USP6NL: variants seen among roughly 807,000 people sequenced by gnomAD.
USP6NL encodes USP6 N-terminal-like protein.
A neutral mutation model predicts 61.9 loss-of-function variants in USP6NL; 26 were observed. That is an observed-to-expected ratio of 0.42 (90% CI 0.31 to 0.58). USP6NL has a LOEUF of 0.58. USP6NL is among the 20% of genes least tolerant of loss of function. USP6NL has a pLI of 0.16. For synonymous variants in USP6NL, 432 were observed against 390.1 expected (o/e 1.11, Z -1.27); for missense variants, 1,114 against 1,034.3 (o/e 1.08, Z -1.06).
Position 11,487,094 on chromosome 10 carries a change from T to C in USP6NL, c.665-1183A>G, listed in dbSNP as rs1472528129. Among the ~76,000 whole-genome samples the C allele has an allele frequency of 6.6e-6, 1 of 152,058 alleles. No homozygotes were observed. The highest frequency in any genetic ancestry group is 1.9e-4 in the East Asian group (1 of 5,200). On this transcript the variant is annotated intron_variant, in intron 10 of 14. Transcript: ENST00000609104. The surrounding 1 kb of genome is among the most constrained non-coding windows in gnomAD (Gnocchi z 4.2). ...TATCAGTGCCACTTTCATAGTCAAT[T>C]TGATAGGAATGGAAGTTGAAAAATT... is the stretch of plus-strand genomic sequence containing the variant.
rs1380569965 is a variant in USP6NL, at chr10:11,495,781, T to G, written c.385-2553A>C. ...CTTACAAGCTGCTTTCTTCATTTGC[T>G]TCCACTTGTCTTTCACGTTAGCTCC... On this transcript the variant is annotated intron_variant, in intron 7 of 14. Transcript: ENST00000609104. The surrounding 1 kb of genome is among the most constrained non-coding windows in gnomAD (Gnocchi z 4.6). Among the ~76,000 whole-genome samples the G allele has an allele frequency of 6.6e-6, 1 of 152,234 alleles. No individual in the cohort carries two copies. The highest frequency in any genetic ancestry group is 1.9e-4 in the East Asian group (1 of 5,200).
intron 14 of USP6NL, among the ~76,000 whole-genome samples, chr10:11,471,948 A>G (rs958391549): frequency 6.6e-5 from 10 of 150,484 alleles, no homozygotes; most frequent in African/African-American, 2.0e-4. Context: ...CACATTGTGC[A>G]CATGTACCCT....
intron 2 of USP6NL, among the ~76,000 whole-genome samples, chr10:11,544,143 A>C (rs4747917): frequency 0.57 from 85,826 of 151,742 alleles, 24,727 homozygotes; most frequent in East Asian, 0.88. Flanking sequence ...TAGCCCAACC[A>C]AATGTTCCAC....
intron 2 of USP6NL, among the ~76,000 whole-genome samples, chr10:11,581,485 T>C (rs1221654617): frequency 1.3e-5 from 2 of 152,264 alleles, no homozygotes; most frequent in Non-Finnish European, 1.5e-5. Flanking sequence ...TAACCCACTT[T>C]TCAGAAAACT....
chr10:11,563,514 T>C (rs1377854488), intron 2 of USP6NL: 1 of 152,138 alleles, frequency 6.6e-6, no homozygotes, highest in Non-Finnish European at 1.5e-5. Flanking sequence ...ATCAATATCC[T>C]GGTTTGATAT....
chr10:11,487,656 T>A lies in USP6NL; in HGVS notation c.664+1446A>T, dbSNP rs1833527189. 6.6e-6 allele frequency among the ~76,000 whole-genome samples: 1 copy of A among 152,126 alleles called. No individual in the cohort carries two copies. Among genetic ancestry groups the A allele is most frequent in the Non-Finnish European group, 1.5e-5 (1 of 68,018 alleles). On this transcript the variant is annotated intron_variant, in intron 10 of 14. Coordinates refer to ENST00000609104, the MANE Select transcript of USP6NL (RefSeq NM_014688.5). The surrounding 1 kb of genome is among the most constrained non-coding windows in gnomAD (Gnocchi z 4.2). Reference sequence around the variant, plus strand: ...TTTTGGAATGATACTGCCTACTGGATGGCAACTCAATATAATAACATGTCT... The same window carrying A: ...TTTTGGAATGATACTGCCTACTGGAAGGCAACTCAATATAATAACATGTCT...
intron 13 of USP6NL, among the ~76,000 whole-genome samples, chr10:11,483,705 GCAGTGTTGGGGGGC>G (rs1298638148): frequency 1.7e-5 from 2 of 114,960 alleles, no homozygotes; most frequent in African/African-American, 3.4e-5. Context: ...GAGGCAAAAG[GCAGTGTTGGGGGGC>G]CGGTGCGGGG....
rs150152828 is a variant in USP6NL, at chr10:11,600,392, T to C, written c.-83-2675A>G. ...CACAATGAATAAATAACCTAACATG[T>C]AACTGAAGCCAACCCACATCTTACA... On this transcript the variant is annotated intron_variant, in intron 1 of 14. Coordinates refer to ENST00000609104, the MANE Select transcript of USP6NL (RefSeq NM_014688.5). This position sits in a 1 kb window ranked among gnomAD's most constrained non-coding sequence, Gnocchi z 4.1. Among the ~76,000 whole-genome samples, 1 of 152,220 alleles carries C rather than the reference T, an allele frequency of 6.6e-6. No individual in the cohort carries two copies. Among genetic ancestry groups the C allele is most frequent in the African/African-American group, 2.4e-5 (1 of 41,528 alleles).
chr10:11,558,891 T>C (rs1566180368), intron 2 of USP6NL, among the ~76,000 whole-genome samples: 1 of 152,230 alleles, frequency 6.6e-6, no homozygotes, highest in Non-Finnish European at 1.5e-5. Context: ...CTTTGCTTAA[T>C]ATTAGTACAT....
At chr10:11,500,994 A>T in intron 7 of USP6NL, 107 bp downstream of exon 7, 1 of 847,090 alleles carries the variant, frequency 1.2e-6, no homozygotes, top group East Asian at 2.9e-5. Flanking sequence ...ATAGAATTTT[A>T]ATATAATTTT....
chr10:11,524,832 T>C (rs1200829238), intron 4 of USP6NL, among the ~76,000 whole-genome samples: 1 of 152,186 alleles, frequency 6.6e-6, no homozygotes, highest in African/African-American at 2.4e-5. Flanking sequence ...GACAGATTCA[T>C]ATCATGTGAA....
chr10:11,560,702 A>AAT (rs1555171602), intron 2 of USP6NL, among the ~76,000 whole-genome samples: 71 of 122,610 alleles, frequency 5.8e-4, no homozygotes, highest in African/African-American at 2.0e-3. Flanking sequence ...AACAGTAAAA[A>AAT]ATATATATAT....
At chr10:11,582,501 T>C (rs1374029981) in intron 2 of USP6NL, among the ~76,000 whole-genome samples, 2 of 152,208 alleles carry the variant, frequency 1.3e-5, no homozygotes, top group African/African-American at 2.4e-5. Flanking sequence ...AGCACATTAC[T>C]ACAAAAAATA....
At chr10:11,568,907 A>C (rs1837263407) in intron 2 of USP6NL, among the ~76,000 whole-genome samples, 1 of 152,242 alleles carries the variant, frequency 6.6e-6, no homozygotes, top group South Asian at 2.1e-4. Flanking sequence ...ATCTTAAGAA[A>C]GAGAGTTCAT....
Position 11,462,573 on chromosome 10 carries a change from G to C in USP6NL, c.2355C>G (p.Pro785=). Residue 785 remains proline (P), a synonymous_variant, in exon 15 of 15, where the codon CCC becomes CCG. Transcript: ENST00000609104. ...CGGCCGGTGAAGCTTTATATCTCAC[G>C]GGACTATCTACAGAAACTGCAGGGA... is the stretch of plus-strand genomic sequence containing the variant. ...HGLPAVSVDS[P]VRYKASPAAE... 1 of 1,613,952 alleles carries C rather than the reference G, an allele frequency of 6.2e-7. No homozygotes were observed. Among genetic ancestry groups the C allele is most frequent in the South Asian group, 1.1e-5 (1 of 91,074 alleles).
At chr10:11,486,093 T>C (rs1372212262) in intron 10 of USP6NL, among the ~76,000 whole-genome samples, 182 bp from the exon 11 acceptor site, 2 of 152,010 alleles carry the variant, frequency 1.3e-5, no homozygotes, top group Admixed American at 6.6e-5. Context: ...ATGAAACTTT[T>C]AGCCTAGGAT....
Position 11,525,804 on chromosome 10 carries a change from G to A in USP6NL, c.73-336C>T, listed in dbSNP as rs921265659. Reference sequence around the variant, plus strand: ...GAAAGCCACTCCAGAAGAAACTGCCGAACCTTACAGTTCTAGACCAAACAC... The same window carrying A: ...GAAAGCCACTCCAGAAGAAACTGCCAAACCTTACAGTTCTAGACCAAACAC... On this transcript the variant is annotated intron_variant, in intron 3 of 14. Coordinates refer to ENST00000609104, the MANE Select transcript of USP6NL (RefSeq NM_014688.5). This position sits in a 1 kb window ranked among gnomAD's most constrained non-coding sequence, Gnocchi z 5.0. Among the ~76,000 whole-genome samples the A allele has an allele frequency of 6.6e-6, 1 of 152,172 alleles. No homozygotes were observed. Among genetic ancestry groups the A allele is most frequent in the Non-Finnish European group, 1.5e-5 (1 of 68,024 alleles).
At chr10:11,560,769 A>C (rs1021130023) in intron 2 of USP6NL, among the ~76,000 whole-genome samples, 1 of 149,540 alleles carries the variant, frequency 6.7e-6, no homozygotes, top group Non-Finnish European at 1.5e-5. Context: ...TTTTATCCAT[A>C]ATCAAGTCTC....
Position 11,495,231 on chromosome 10 carries a change from C to T in USP6NL, c.385-2003G>A, listed in dbSNP as rs1566134580. ...CTATCTCTGTATGGCCTGGTTTTTC[C>T]TAGGTTATGATTATAGAGCGAGGAT... is the stretch of plus-strand genomic sequence containing the variant. On this transcript the variant is annotated intron_variant, in intron 7 of 14. Transcript: ENST00000609104. This position sits in a 1 kb window ranked among gnomAD's most constrained non-coding sequence, Gnocchi z 4.6. Among the ~76,000 whole-genome samples, 1 of 152,150 alleles carries T rather than the reference C, an allele frequency of 6.6e-6. No homozygotes were observed. The highest frequency in any genetic ancestry group is 1.5e-5 in the Non-Finnish European group (1 of 68,020).
Sources: allele counts gnomAD v4.1 joint callset (sites outside exome capture counted in the v4.1 genomes callset), GRCh38; gene constraint gnomAD v4.1.1; non-coding constraint Gnocchi (gnomAD v3.1); transcripts MANE v1.5; gene names NCBI Gene and HGNC (gene_info 2026-07-23, HGNC 2026-07-21).